Variants in USP12 observed in about 807,000 individuals in gnomAD.
USP12 encodes ubiquitin specific peptidase 12.
A neutral mutation model predicts 45.5 loss-of-function variants in USP12; 19 were observed. That is an observed-to-expected ratio of 0.42 (90% CI 0.29 to 0.61). The LOEUF is 0.61. USP12 is among the 20% of genes least tolerant of loss of function. The pLI, the probability that USP12 is intolerant of heterozygous loss-of-function variation, is 0.22. For missense variants in USP12, 242 were observed against 447.7 expected, an observed-to-expected ratio of 0.54 and a Z score of 4.15; for synonymous variants, 149 against 148.8, an observed-to-expected ratio of 1.00 and a Z score of -0.01.
At chr13:27,106,841 C>T (rs983813829) in intron 2 of USP12, among the ~76,000 whole-genome samples, 5 of 150,610 alleles carry the variant, frequency 3.3e-5, no homozygotes, top group African/African-American at 1.2e-4. Context: ...TACTTTGTAC[C>T]CCCTATCTTT....
At chr13:27,079,024 AT>A (rs1210003547) in intron 6 of USP12, among the ~76,000 whole-genome samples, 4 of 152,076 alleles carry the variant, frequency 2.6e-5, no homozygotes, top group Non-Finnish European at 5.9e-5. Context: ...CCCCCCAGAT[AT>A]GGAAACTAAG....
chr13:27,161,485 C>A (rs1028727904), intron 1 of USP12, among the ~76,000 whole-genome samples: 7 of 152,054 alleles, frequency 4.6e-5, no homozygotes, highest in Non-Finnish European at 8.8e-5. Context: ...CTGAAAAACC[C>A]AGGTAGACCA....
intron 1 of USP12, among the ~76,000 whole-genome samples, chr13:27,164,583 ACTAG>A (rs1878269035): frequency 6.6e-6 from 1 of 150,706 alleles, no homozygotes; most frequent in Non-Finnish European, 1.5e-5. Context: ...GCAAAGACTT[ACTAG>A]TTTTTCTTCC....
intron 1 of USP12, among the ~76,000 whole-genome samples, chr13:27,153,817 T>C (rs1174954276): frequency 1.3e-5 from 2 of 152,324 alleles, no homozygotes; most frequent in Non-Finnish European, 2.9e-5. Context: ...TCATCTCTTT[T>C]CTTAGCCTCT....
In USP12 at chr13:27,135,977, AG is replaced by A. The variant is rs370135951; in HGVS notation, c.49-19382del. Among the ~76,000 whole-genome samples, 29 of 152,300 alleles carry A rather than the reference AG, an allele frequency of 1.9e-4. No homozygotes were observed. In the South Asian group the frequency reaches 5.4e-3, roughly 28 times the overall value. ...CAGGCAGCACCATGGGTTCTGCTGT[AG>A]GATTCTCAAATGATTCCTGCCCTGA... On this transcript the variant is annotated intron_variant, in intron 1 of 8. Transcript: ENST00000282344.
intron 3 of USP12, among the ~76,000 whole-genome samples, chr13:27,101,063 G>C (rs1874842866): frequency 6.6e-6 from 1 of 152,136 alleles, no homozygotes; most frequent in African/African-American, 2.4e-5. Context: ...TTTTAACACA[G>C]AGCAATGATT....
intron 1 of USP12, among the ~76,000 whole-genome samples, chr13:27,127,603 C>T (rs1411639849): frequency 1.3e-5 from 2 of 152,114 alleles, no homozygotes; most frequent in Non-Finnish European, 2.9e-5. Context: ...TCCCATTCTC[C>T]CACCTACCCT....
chr13:27,106,154 T>C (rs766592246), intron 2 of USP12, among the ~76,000 whole-genome samples: 5 of 151,956 alleles, frequency 3.3e-5, no homozygotes, highest in Non-Finnish European at 5.9e-5. Flanking sequence ...GGTTCTTAGG[T>C]ACATCCAAAT....
At chr13:27,107,175 A>C (rs1283840748) in intron 2 of USP12, among the ~76,000 whole-genome samples, 1 of 152,112 alleles carries the variant, frequency 6.6e-6, no homozygotes, top group Non-Finnish European at 1.5e-5. Flanking sequence ...AAATACAAAA[A>C]TTAGCTAGGC....
rs1876381693 is a variant in USP12 at position 27,129,217 on chromosome 13, A to C, written c.49-12621T>G. 7.5e-6 allele frequency among the ~76,000 whole-genome samples: 1 copy of C among 132,776 alleles called. No individual in the cohort carries two copies. The highest frequency in any genetic ancestry group is 8.5e-5 in the Admixed American group (1 of 11,782). 87.1% of individuals were successfully genotyped at this position (132,776 alleles called of 152,430 possible). A position where few individuals can be genotyped will look rare whatever the true frequency, so the allele number is the denominator to read the frequency against. On this transcript the variant is annotated intron_variant, in intron 1 of 8. Transcript: ENST00000282344. This position sits in a 1 kb window ranked among gnomAD's most constrained non-coding sequence, Gnocchi z 4.0. ...CTGAGACAACAGGAATATTATATTA[A>C]ACCACAGTTAAGTGGAAAGAACAAA... is the stretch of plus-strand genomic sequence containing the variant.
chr13:27,171,074 T>C (rs1878577905), intron 1 of USP12, among the ~76,000 whole-genome samples: 1 of 149,636 alleles, frequency 6.7e-6, no homozygotes, highest in Admixed American at 6.6e-5. Context: ...AGACCCTTCC[T>C]TCCTGCCCGC....
chr13:27,117,287 T>C (rs1194575573), intron 1 of USP12, among the ~76,000 whole-genome samples: 1 of 152,180 alleles, frequency 6.6e-6, no homozygotes, highest in South Asian at 2.1e-4. Context: ...AGGAGTGTAA[T>C]CTGATAGCAC....
chr13:27,156,161 C>A (rs1877832191), intron 1 of USP12, among the ~76,000 whole-genome samples: 1 of 150,758 alleles, frequency 6.6e-6, no homozygotes, highest in Middle Eastern at 3.4e-3. Context: ...CCACTGCAAA[C>A]CAGAAGTACA....
rs561129810 is a variant in USP12 at position 27,082,325 on chromosome 13, A to G, written c.735-6937T>C. On this transcript the variant is annotated intron_variant, in intron 6 of 8. Coordinates refer to ENST00000282344, the MANE Select transcript of USP12 (RefSeq NM_182488.4). ...AAAACCTCATGAACCCACCCCTGCT[A>G]GCTTCAAAATTTTCTTCTGCAGCTT... is the stretch of plus-strand genomic sequence containing the variant. Among the ~76,000 whole-genome samples the G allele has an allele frequency of 6.6e-5, 10 of 152,256 alleles. No homozygotes were observed. In the South Asian group the frequency reaches 1.9e-3, roughly 28 times the overall value.
At chr13:27,113,117 C>T (rs1240119366) in intron 2 of USP12, among the ~76,000 whole-genome samples, 1 of 152,000 alleles carries the variant, frequency 6.6e-6, no homozygotes. Context: ...CACCTGTAGT[C>T]CCAGCTACTC....
At chr13:27,165,424 G>A (rs1222139243) in intron 1 of USP12, among the ~76,000 whole-genome samples, 1 of 152,138 alleles carries the variant, frequency 6.6e-6, no homozygotes, top group African/African-American at 2.4e-5. Context: ...ATTTTGGTTA[G>A]TATATGTTGA....
At chr13:27,152,995 C>T (rs563118339) in intron 1 of USP12, among the ~76,000 whole-genome samples, 1 of 145,516 alleles carries the variant, frequency 6.9e-6, no homozygotes, top group Non-Finnish European at 1.5e-5. Flanking sequence ...TGTATGTCAA[C>T]TTGGAGTCTT....
At chr13:27,145,436 A>G (rs1877268519) in intron 1 of USP12, among the ~76,000 whole-genome samples, 1 of 152,244 alleles carries the variant, frequency 6.6e-6, no homozygotes, top group Non-Finnish European at 1.5e-5. Context: ...ATCTTTAGAA[A>G]TCAATCAGTT....
chr13:27,088,981 C>T (rs1268551881), intron 6 of USP12, among the ~76,000 whole-genome samples: 2 of 151,976 alleles, frequency 1.3e-5, no homozygotes, highest in South Asian at 2.1e-4. Context: ...AGATACATAA[C>T]CTGAATCTAA....
Sources: allele counts gnomAD v4.1 joint callset (sites outside exome capture counted in the v4.1 genomes callset), GRCh38; gene constraint gnomAD v4.1.1; non-coding constraint Gnocchi (gnomAD v3.1); transcripts MANE v1.5; gene names NCBI Gene and HGNC (gene_info 2026-07-23, HGNC 2026-07-21).